SGCZ: variants seen among roughly 807,000 people sequenced by gnomAD.
SGCZ encodes sarcoglycan zeta, also known as zeta-sarcoglycan.
Under a neutral mutation model 41.3 loss-of-function variants are expected in SGCZ, and 40 were observed. The ratio of observed to expected loss-of-function variants is 0.97; its 90% CI spans 0.75 to 1.26. The LOEUF (loss-of-function observed/expected upper bound fraction) is 1.26, where lower values mean the gene tolerates loss of function less well. Among genes scored for constraint, SGCZ ranks in the 50% most tolerant of loss-of-function variants. SGCZ has a pLI of 0.00. For missense variants in SGCZ, 552 were observed against 369.8 expected (o/e 1.49, Z -4.04); for synonymous variants, 206 against 137.5 (o/e 1.50, Z -3.49).
chr8:14,107,103 C>A (rs1804501344), intron 6 of SGCZ, among the ~76,000 whole-genome samples: 2 of 151,944 alleles, frequency 1.3e-5, no homozygotes, highest in Admixed American at 1.3e-4. Context: ...GTAGTCCTAG[C>A]TACTCGAGAG....
At chr8:14,647,775 G>C (rs746300344) in intron 1 of SGCZ, among the ~76,000 whole-genome samples, 46 of 152,112 alleles carry the variant, frequency 3.0e-4, no homozygotes, top group Admixed American at 2.0e-3. Flanking sequence ...GACACTTCCT[G>C]TGTGGGCAAT....
At chr8:14,567,405 A>T (rs1804405060) in intron 1 of SGCZ, among the ~76,000 whole-genome samples, 1 of 152,130 alleles carries the variant, frequency 6.6e-6, no homozygotes, top group Non-Finnish European at 1.5e-5. Flanking sequence ...ACACCAGTGG[A>T]CACTCTTTAT....
intron 2 of SGCZ, among the ~76,000 whole-genome samples, chr8:14,342,764 G>GA (rs1185481442): frequency 1.3e-5 from 2 of 152,202 alleles, no homozygotes; most frequent in Admixed American, 6.5e-5. Context: ...ATTTTCTGGG[G>GA]AAAAATTCAA....
At chr8:14,503,540 C>T (rs1164568578) in intron 2 of SGCZ, among the ~76,000 whole-genome samples, 7 of 152,076 alleles carry the variant, frequency 4.6e-5, no homozygotes, top group East Asian at 1.9e-4. Context: ...GAGGTTGAGG[C>T]AGGCAAATCA....
At chr8:14,615,980 G>A (rs1806087009) in intron 1 of SGCZ, among the ~76,000 whole-genome samples, 1 of 152,062 alleles carries the variant, frequency 6.6e-6, no homozygotes, top group Non-Finnish European at 1.5e-5. Flanking sequence ...AATGGGTCAT[G>A]ATTGTAGTAT....
At chr8:14,845,390 C>A (rs1232856589) in intron 1 of SGCZ, among the ~76,000 whole-genome samples, 1 of 149,588 alleles carries the variant, frequency 6.7e-6, no homozygotes, top group Admixed American at 6.6e-5. Context: ...TTTTGTTATA[C>A]AAAAATACAA....
At chr8:15,048,029 G>C (rs73205424) in intron 1 of SGCZ, among the ~76,000 whole-genome samples, 1 of 151,944 alleles carries the variant, frequency 6.6e-6, no homozygotes, top group African/African-American at 2.4e-5. Flanking sequence ...AGAGATTTCT[G>C]TATTTCCATA....
chr8:15,236,207 G>C (rs943579501), intron 1 of SGCZ, among the ~76,000 whole-genome samples: 156 of 152,234 alleles, frequency 1.0e-3, no homozygotes, highest in African/African-American at 3.6e-3. Context: ...GTCAGTGGCA[G>C]GGCGATTCTG....
At chr8:14,839,350 T>C (rs1422632931) in intron 1 of SGCZ, among the ~76,000 whole-genome samples, 1 of 152,050 alleles carries the variant, frequency 6.6e-6, no homozygotes, top group African/African-American at 2.4e-5. Context: ...AGAGGACCCA[T>C]TGTGTGGGCA....
chr8:14,868,061 T>C (rs970128169), intron 1 of SGCZ, among the ~76,000 whole-genome samples: 3 of 152,268 alleles, frequency 2.0e-5, no homozygotes, highest in Non-Finnish European at 4.4e-5. Context: ...CTTAGCTAAT[T>C]TGAGCTTCAA....
chr8:14,130,242 T>C (rs2117055698), intron 5 of SGCZ, among the ~76,000 whole-genome samples: 1 of 151,922 alleles, frequency 6.6e-6, no homozygotes. Context: ...ACACGCAATT[T>C]AATTACGGTG....
chr8:14,642,875 G>C, intron 1 of SGCZ, among the ~76,000 whole-genome samples: 1 of 151,568 alleles, frequency 6.6e-6, no homozygotes. Context: ...GCAATATGTT[G>C]CTTGAACTTT....
chr8:14,653,307 A>G (rs189460520), intron 1 of SGCZ, among the ~76,000 whole-genome samples: 10 of 152,240 alleles, frequency 6.6e-5, no homozygotes, highest in African/African-American at 2.2e-4. Context: ...CCTACCATTG[A>G]GAAACACAGT....
chr8:14,361,671 C>G (rs933409350), intron 2 of SGCZ, among the ~76,000 whole-genome samples: 8 of 152,164 alleles, frequency 5.3e-5, no homozygotes, highest in African/African-American at 1.7e-4. Context: ...CCTTCGGAAG[C>G]CTACTTCTGT....
At chr8:14,555,516 G>A (rs183544955) in intron 1 of SGCZ, among the ~76,000 whole-genome samples, 9 of 151,970 alleles carry the variant, frequency 5.9e-5, no homozygotes, top group African/African-American at 2.2e-4. Flanking sequence ...AGTTTCCTGA[G>A]GCCTCCCCAG....
chr8:14,808,320 G>A (rs889459383), intron 1 of SGCZ, among the ~76,000 whole-genome samples: 32 of 151,984 alleles, frequency 2.1e-4, no homozygotes, highest in East Asian at 3.9e-4. Context: ...GAAAATTTTC[G>A]CAACCTACTC....
chr8:14,169,659 C>T (rs148567251), intron 4 of SGCZ, among the ~76,000 whole-genome samples: 5 of 152,222 alleles, frequency 3.3e-5, no homozygotes, highest in South Asian at 2.1e-4. Context: ...GGCTATCTTT[C>T]GCTAGTAATT....
At chr8:14,190,377 G>GTA (rs1204874852) in intron 4 of SGCZ, among the ~76,000 whole-genome samples, 10 of 151,624 alleles carry the variant, frequency 6.6e-5, no homozygotes, top group African/African-American at 2.4e-4. Context: ...ATGTGTGTGT[G>GTA]TGTGTATATA....
intron 2 of SGCZ, among the ~76,000 whole-genome samples, chr8:14,343,016 G>A (rs1802764947): frequency 6.6e-6 from 1 of 152,190 alleles, no homozygotes; most frequent in Non-Finnish European, 1.5e-5. Context: ...AAGGGGCCAA[G>A]GTACAGCTTG....
Sources: allele counts gnomAD v4.1 joint callset (sites outside exome capture counted in the v4.1 genomes callset), GRCh38; gene constraint gnomAD v4.1.1; transcripts MANE v1.5; gene names NCBI Gene and HGNC (gene_info 2026-07-23, HGNC 2026-07-21).